The following DHCR24 variants were observed in gnomAD, a reference collection of about 807,000 sequenced individuals.
DHCR24 encodes 24-dehydrocholesterol reductase.
Under a neutral mutation model 61.2 loss-of-function variants are expected in DHCR24, and 28 were observed. The ratio of observed to expected loss-of-function variants is 0.46; its 90% confidence interval spans 0.34 to 0.63. The LOEUF (loss-of-function observed/expected upper bound fraction) is 0.63. Ranked by LOEUF, DHCR24 falls within the 20% of genes least tolerant of loss-of-function variation. DHCR24 has a pLI of 0.01. For missense variants in DHCR24, 538 were observed against 679.1 expected (o/e 0.79, Z 2.31); for synonymous variants, 261 against 275.9 (o/e 0.95, Z 0.54).
At chr1:54,873,910 A>G (rs922843469) in intron 4 of DHCR24, among the ~76,000 whole-genome samples, 1 of 152,228 alleles carries the variant, frequency 6.6e-6, no homozygotes, top group Non-Finnish European at 1.5e-5. Context: ...TTGGCCTCCC[A>G]AAGTGCTGGT....
Position 54,871,642 on chromosome 1 carries a change from C to G in DHCR24, c.613-29G>C, listed in dbSNP as rs2303534. Reference sequence around the variant, plus strand: ...TGAGACAGAATTGATGTGTTGTGAGCTGAAACCTTGGGCCCCACATTGTGG... The same window carrying G: ...TGAGACAGAATTGATGTGTTGTGAGGTGAAACCTTGGGCCCCACATTGTGG... On this transcript the variant is annotated intron_variant, in intron 4 of 8. Coordinates refer to ENST00000371269, the MANE Select transcript of DHCR24 (RefSeq NM_014762.4). 9.3e-3 allele frequency: 15,050 copies of G among 1,614,056 alleles called. 729 individuals are homozygous for G. In the East Asian group the frequency reaches 0.14, roughly 15 times the overall value.
chr1:54,873,655 A>T (rs540702591), intron 4 of DHCR24, among the ~76,000 whole-genome samples: 7 of 152,178 alleles, frequency 4.6e-5, no homozygotes. Context: ...TTATGTCTTG[A>T]CCTTTTTTCT....
At chr1:54,874,810 G>T (rs1467963144) in intron 4 of DHCR24, among the ~76,000 whole-genome samples, 2 of 149,582 alleles carry the variant, frequency 1.3e-5, no homozygotes, top group Non-Finnish European at 2.9e-5. Flanking sequence ...TATAAAATAG[G>T]GATAATAATC....
At chr1:54,871,873 C>T (rs991840243) in intron 4 of DHCR24, among the ~76,000 whole-genome samples, 3 of 152,166 alleles carry the variant, frequency 2.0e-5, no homozygotes, top group Non-Finnish European at 2.9e-5. Flanking sequence ...TAGGTACAGC[C>T]CCTGACCCAG....
intron 2 of DHCR24, among the ~76,000 whole-genome samples, chr1:54,876,300 A>G (rs1247046204): frequency 1.3e-5 from 2 of 152,094 alleles, no homozygotes; most frequent in African/African-American, 4.8e-5. Flanking sequence ...CCTTTTCTAA[A>G]TTACAGGAGA....
Position 54,883,550 on chromosome 1 carries a change from CTA to C in DHCR24, c.387+66_387+67del, listed in dbSNP as rs1306266002. 4 of 1,596,490 alleles carry C rather than the reference CTA, an allele frequency of 2.5e-6. No individual in the cohort carries two copies. The Admixed American group carries it at 5.0e-5, about 20-fold the overall frequency. ...AATGCCCTTGGCTAAAATCATCTCC[CTA>C]TGAGTCACTTGCACCAGGGGCAGTG... On this transcript the variant is annotated intron_variant, in intron 2 of 8. Coordinates refer to ENST00000371269, the MANE Select transcript of DHCR24 (RefSeq NM_014762.4). This position sits in a 1 kb window ranked among gnomAD's most constrained non-coding sequence, Gnocchi z 4.3.
At chr1:54,869,441 G>A (rs1046913962) in intron 5 of DHCR24, among the ~76,000 whole-genome samples, 3 of 152,202 alleles carry the variant, frequency 2.0e-5, no homozygotes, top group African/African-American at 7.2e-5. Flanking sequence ...CAGGATAAAT[G>A]TGAGTCTTAA....
rs1647105026 is a variant in DHCR24 at position 54,887,171 on chromosome 1, G to T, written c.-52C>A. ...CGGGTTCGCGCCTCCTGTCACTGCC[G>T]CCAGCTCCGCGCCTGGCCCGCTCTG... On this transcript the variant is annotated 5_prime_UTR_variant, in exon 1 of 9. Coordinates refer to ENST00000371269, the MANE Select transcript of DHCR24 (RefSeq NM_014762.4). 9 of 1,459,420 alleles carry T rather than the reference G, an allele frequency of 6.2e-6. No individual in the cohort carries two copies. In the South Asian group the frequency reaches 8.6e-5, roughly 14 times the overall value. 90.4% of individuals were successfully genotyped at this position (1,459,420 alleles called of 1,614,324 possible).
At chr1:54,859,969 T>C (rs1478080243) in intron 6 of DHCR24, among the ~76,000 whole-genome samples, 2 of 152,172 alleles carry the variant, frequency 1.3e-5, no homozygotes, top group Non-Finnish European at 2.9e-5. Flanking sequence ...TTTGGCAAAA[T>C]TGCCCACCAC....
intron 4 of DHCR24, 121 bp from the exon 5 acceptor site, chr1:54,871,734 A>C (rs1171048638): frequency 2.1e-5 from 29 of 1,367,518 alleles, no homozygotes; most frequent in Non-Finnish European, 2.7e-5. Context: ...TATAAACCCA[A>C]ACAATGAGCT....
intron 5 of DHCR24, among the ~76,000 whole-genome samples, chr1:54,870,069 A>T (rs533735252): frequency 6.7e-5 from 10 of 150,280 alleles, no homozygotes; most frequent in East Asian, 2.0e-4. Flanking sequence ...AAAAAAAAAA[A>T]TTTTTAACTG....
At chr1:54,871,218 A>G in intron 5 of DHCR24, 132 bp downstream of exon 5, 1 of 987,090 alleles carries the variant, frequency 1.0e-6, no homozygotes, top group South Asian at 1.4e-5. Flanking sequence ...TGTTGCCTGT[A>G]CCCCAGGTGG....
chr1:54,864,771 C>G lies in DHCR24; in HGVS notation c.1020+532G>C, dbSNP rs571448487. The stretch of plus-strand genomic sequence containing the variant: ...CCCAGAGTTGTTCCTGGTCTGCCTT[C>G]CCTATGTTCAGGTCCCTGCTCACAA... On this transcript the variant is annotated intron_variant, in intron 6 of 8. Transcript: ENST00000371269. 2.0e-5 allele frequency among the ~76,000 whole-genome samples: 3 copies of G among 152,262 alleles called. No homozygotes were observed. In the South Asian group the frequency reaches 6.2e-4, roughly 32 times the overall value.
chr1:54,875,865 TG>T, intron 3 of DHCR24, 76 bp downstream of exon 3: 1 of 1,153,398 alleles, frequency 8.7e-7, no homozygotes, highest in Non-Finnish European at 1.3e-6. Flanking sequence ...CAGGACTAGA[TG>T]GAGGGTGGCC....
intron 4 of DHCR24, among the ~76,000 whole-genome samples, chr1:54,872,686 C>T (rs1231359780): frequency 6.6e-6 from 1 of 152,136 alleles, no homozygotes; most frequent in Non-Finnish European, 1.5e-5. Flanking sequence ...CCTACTTATT[C>T]CTCTCAACCA....
intron 5 of DHCR24, among the ~76,000 whole-genome samples, chr1:54,868,785 A>G (rs187277181): frequency 9.2e-5 from 14 of 151,812 alleles, no homozygotes; most frequent in Non-Finnish European, 1.9e-4. Flanking sequence ...AACAAGAAAA[A>G]GGCTGGGTGC....
rs1047728796 is a variant in DHCR24, at chr1:54,886,601, G to A, written c.231+288C>T. The A allele has an allele frequency of 2.1e-5, 31 of 1,442,856 alleles. No homozygotes were observed. In the African/African-American group the frequency reaches 3.2e-4, roughly 15 times the overall value. The allele number at this position is 1,442,856 out of a possible 1,614,324, so 89.4% of individuals were successfully genotyped here. On this transcript the variant is annotated intron_variant, in intron 1 of 8. Transcript: ENST00000371269. ...AGCCTTTCCTTCTCTGAAATGCTTG[G>A]GCCGGGTGAGAGTTACCTGAGTGCT...
At chr1:54,880,600 A>G (rs1647058774) in intron 2 of DHCR24, among the ~76,000 whole-genome samples, 1 of 151,988 alleles carries the variant, frequency 6.6e-6, no homozygotes, top group Non-Finnish European at 1.5e-5. Flanking sequence ...CCCCCTCTCT[A>G]TTAAAAATAC....
intron 6 of DHCR24, among the ~76,000 whole-genome samples, chr1:54,855,031 C>A (rs897718235): frequency 6.6e-6 from 1 of 152,120 alleles, no homozygotes; most frequent in Non-Finnish European, 1.5e-5. Flanking sequence ...CCTGAGGGTC[C>A]CCAGTGTCCA....
Sources: gnomAD v4.1 joint callset for allele counts (sites outside exome capture counted in the v4.1 genomes callset) on GRCh38, gnomAD v4.1.1 for gene constraint, Gnocchi (gnomAD v3.1) non-coding constraint, MANE v1.5 for transcripts, NCBI Gene and HGNC (gene_info 2026-07-23, HGNC 2026-07-21) for gene names.